The following AFF3 variants were observed in gnomAD, a reference collection of about 807,000 sequenced individuals.
AFF3 encodes AF4/FMR2 family member 3.
A neutral mutation model predicts 129.7 loss-of-function variants in AFF3; 32 were observed. The observed-to-expected ratio is 0.25, with a 90% CI of 0.19 to 0.33. The LOEUF is 0.33. AFF3 is among the 10% of genes least tolerant of loss of function. The probability of loss-of-function intolerance (pLI) is 1.00; values close to 1 mark genes in which losing one functional copy is unlikely to be tolerated. For missense variants in AFF3, 1,373 were observed against 1,592.0 expected (o/e 0.86, Z 2.34); for synonymous variants, 644 against 635.4 (o/e 1.01, Z -0.20).
intron 11 of AFF3, among the ~76,000 whole-genome samples, chr2:99,693,644 G>A (rs1575713126): frequency 6.6e-6 from 1 of 152,220 alleles, no homozygotes; most frequent in East Asian, 1.9e-4. Flanking sequence ...AATGGCTATT[G>A]CATGCTCCCA....
chr2:100,022,348 T>G (rs895061415), intron 4 of AFF3, among the ~76,000 whole-genome samples: 11 of 152,198 alleles, frequency 7.2e-5, no homozygotes, highest in African/African-American at 2.7e-4. Flanking sequence ...TGAAGTCTAC[T>G]CTAACAATGT....
intron 15 of AFF3, among the ~76,000 whole-genome samples, chr2:99,590,636 C>T (rs1011254720): frequency 6.6e-6 from 1 of 152,154 alleles, no homozygotes; most frequent in East Asian, 1.9e-4. Context: ...CAACTAAGGG[C>T]GCCCACTGCC....
At chr2:100,133,819 G>A (rs909635319) in intron 1 of AFF3, among the ~76,000 whole-genome samples, 1 of 152,190 alleles carries the variant, frequency 6.6e-6, no homozygotes, top group Admixed American at 6.5e-5. Context: ...TGTAGTCCCA[G>A]CTTCTGGGGA....
At chr2:100,024,625 ATT>A in intron 4 of AFF3, among the ~76,000 whole-genome samples, 4 of 151,518 alleles carry the variant, frequency 2.6e-5, no homozygotes, top group Admixed American at 6.6e-5. Flanking sequence ...AATAATAATT[ATT>A]ATTATTATTA....
At chr2:99,640,256 A>G (rs1388092618) in intron 13 of AFF3, among the ~76,000 whole-genome samples, 2 of 152,088 alleles carry the variant, frequency 1.3e-5, no homozygotes, top group East Asian at 1.9e-4. Context: ...CAGACATTAA[A>G]CCCATACTCT....
intron 7 of AFF3, among the ~76,000 whole-genome samples, chr2:99,971,601 A>G (rs1045329348): frequency 2.0e-5 from 3 of 152,216 alleles, no homozygotes; most frequent in African/African-American, 4.8e-5. Flanking sequence ...TTTATTTTGC[A>G]TAATTCACAC....
chr2:100,036,387 G>A (rs138112072), intron 4 of AFF3, among the ~76,000 whole-genome samples: 12 of 152,054 alleles, frequency 7.9e-5, no homozygotes, highest in South Asian at 2.1e-4. Context: ...AAAAGTGGGC[G>A]CTTCAATCAA....
intron 8 of AFF3, among the ~76,000 whole-genome samples, chr2:99,811,731 A>G (rs1012280291): frequency 2.3e-4 from 35 of 152,270 alleles, no homozygotes; most frequent in African/African-American, 8.2e-4. Context: ...GAAAGGACAG[A>G]AAGAATTTCT....
chr2:99,866,195 T>C (rs1691386718), intron 7 of AFF3, among the ~76,000 whole-genome samples: 2 of 152,240 alleles, frequency 1.3e-5, no homozygotes, highest in Non-Finnish European at 2.9e-5. Flanking sequence ...TTACACTATG[T>C]ACCTCTCTTT....
rs573204300 is a variant in AFF3, at chr2:99,791,592, T to C, written c.922-39291A>G. Among the ~76,000 whole-genome samples the C allele has an allele frequency of 3.9e-5, 6 of 152,282 alleles. No homozygotes were observed. The East Asian group carries it at 1.2e-3, about 29-fold the overall frequency. On this transcript the variant is annotated intron_variant, in intron 8 of 24. Coordinates refer to ENST00000672756, the MANE Select transcript of AFF3 (RefSeq NM_001386135.1). ...CAGTCAACCTTCATTATTCACGGAT[T>C]CTTTATTTCTGAATTTGCCCCCTCA...
At chr2:99,634,473 G>A (rs1575561191) in intron 13 of AFF3, among the ~76,000 whole-genome samples, 1 of 152,164 alleles carries the variant, frequency 6.6e-6, no homozygotes, top group East Asian at 1.9e-4. Context: ...TTGAGGCAAG[G>A]GAGTTAGATG....
intron 8 of AFF3, among the ~76,000 whole-genome samples, chr2:99,807,234 G>C (rs1276652534): frequency 6.6e-6 from 1 of 152,208 alleles, no homozygotes; most frequent in Admixed American, 6.5e-5. Flanking sequence ...GGTCCTGGAT[G>C]GAAGAGGATG....
intron 7 of AFF3, among the ~76,000 whole-genome samples, chr2:99,953,841 C>G (rs1489201451): frequency 2.0e-5 from 3 of 152,192 alleles, no homozygotes. Flanking sequence ...AAGTGGGAAG[C>G]TGGGCTTCCA....
chr2:99,884,641 T>G (rs1692971866), intron 7 of AFF3, among the ~76,000 whole-genome samples: 2 of 152,182 alleles, frequency 1.3e-5, no homozygotes, highest in South Asian at 4.1e-4. Flanking sequence ...TGGCCTCAAG[T>G]GATCTGCCAG....
intron 8 of AFF3, among the ~76,000 whole-genome samples, chr2:99,763,229 C>T (rs1347342984): frequency 6.6e-6 from 1 of 152,190 alleles, no homozygotes; most frequent in Non-Finnish European, 1.5e-5. Flanking sequence ...ATTCCAGGGT[C>T]AGGCTGGAAG....
intron 8 of AFF3, among the ~76,000 whole-genome samples, chr2:99,816,812 C>T (rs547837126): frequency 3.5e-4 from 54 of 152,142 alleles, no homozygotes; most frequent in African/African-American, 1.1e-3. Flanking sequence ...TGTTAGGTAG[C>T]ACACATTCCT....
chr2:99,864,937 G>A (rs1691266758), intron 7 of AFF3, among the ~76,000 whole-genome samples: 1 of 152,192 alleles, frequency 6.6e-6, no homozygotes. Context: ...GAGACTGAGA[G>A]GTGACATGAA....
chr2:99,986,180 G>A (rs1336262960), intron 7 of AFF3, among the ~76,000 whole-genome samples: 13 of 148,480 alleles, frequency 8.8e-5, no homozygotes, highest in Admixed American at 3.4e-4. Flanking sequence ...CAGCCTGGGC[G>A]ACAGAGCGAG....
chr2:99,867,590 A>AAAC (rs1691520975), intron 7 of AFF3, among the ~76,000 whole-genome samples: 1 of 150,158 alleles, frequency 6.7e-6, no homozygotes, highest in African/African-American at 2.4e-5. Flanking sequence ...AAAAAAAAAA[A>AAAC]AAACATAGCT....
Sources: gnomAD v4.1 joint callset for allele counts (sites outside exome capture counted in the v4.1 genomes callset) on GRCh38, gnomAD v4.1.1 for gene constraint, MANE v1.5 for transcripts, NCBI Gene and HGNC (gene_info 2026-07-23, HGNC 2026-07-21) for gene names.